BACH2: variants seen among roughly 807,000 people sequenced by gnomAD.
The protein encoded by BACH2 is transcription regulator protein BACH2.
A neutral mutation model predicts 61.8 loss-of-function variants in BACH2; 5 were observed. That is an observed-to-expected ratio of 0.08 (90% CI 0.04 to 0.17). The LOEUF is 0.17. Among genes scored for constraint, BACH2 ranks in the 10% least tolerant of loss-of-function variants. The pLI is 1.00. For missense variants in BACH2, 824 were observed against 1,091.1 expected (o/e 0.76, Z 3.45); for synonymous variants, 446 against 440.1 (o/e 1.01, Z -0.17).
intron 6 of BACH2, among the ~76,000 whole-genome samples, chr6:90,002,179 T>C (rs991239042): frequency 4.6e-5 from 7 of 152,154 alleles, no homozygotes; most frequent in African/African-American, 1.7e-4. Flanking sequence ...GCTTTGTTGC[T>C]TTTCCTCCCA....
intron 5 of BACH2, among the ~76,000 whole-genome samples, chr6:90,066,531 G>A (rs1047961556): frequency 6.6e-6 from 1 of 152,182 alleles, no homozygotes; most frequent in Non-Finnish European, 1.5e-5. Context: ...ATCCAGGAAC[G>A]AGGGAGCAAC....
At chr6:90,206,361 G>A (rs1769144898) in intron 4 of BACH2, among the ~76,000 whole-genome samples, 1 of 152,130 alleles carries the variant, frequency 6.6e-6, no homozygotes, top group Non-Finnish European at 1.5e-5. Context: ...CCCCTGGCAA[G>A]TATAAATGAC....
chr6:90,060,366 G>C (rs146803858), intron 5 of BACH2, among the ~76,000 whole-genome samples: 1 of 151,878 alleles, frequency 6.6e-6, no homozygotes, highest in African/African-American at 2.4e-5. Context: ...GTGCTCCATT[G>C]CATGAAACTA....
intron 7 of BACH2, among the ~76,000 whole-genome samples, chr6:89,939,005 C>A (rs921165687): frequency 1.3e-5 from 2 of 152,216 alleles, no homozygotes; most frequent in Admixed American, 6.5e-5. Flanking sequence ...CCGTACAGTG[C>A]TATACAAGTG....
At chr6:90,213,340 C>T (rs1009338910) in intron 3 of BACH2, among the ~76,000 whole-genome samples, 1 of 152,184 alleles carries the variant, frequency 6.6e-6, no homozygotes, top group Non-Finnish European at 1.5e-5. Context: ...CATGCTAATA[C>T]TTTGGAAATT....
chr6:90,092,291 A>AAAAAAAAAAAAAAAATATATATATAT, intron 4 of BACH2, among the ~76,000 whole-genome samples: 25 of 113,780 alleles, frequency 2.2e-4, no homozygotes, highest in African/African-American at 7.9e-4. Flanking sequence ...AAAAAAAAAA[A>AAAAAAAAAAAAAAAATATATATATAT]ATATATATAT....
intron 4 of BACH2, among the ~76,000 whole-genome samples, chr6:90,172,622 C>G (rs1003408772): frequency 6.6e-6 from 1 of 151,818 alleles, no homozygotes; most frequent in African/African-American, 2.4e-5. Context: ...GAAAATAATA[C>G]TGAATATGTA....
chr6:90,177,288 TG>T (rs1023150729), intron 4 of BACH2, among the ~76,000 whole-genome samples: 5 of 152,168 alleles, frequency 3.3e-5, no homozygotes, highest in African/African-American at 9.7e-5. Context: ...AGGGCAGGGA[TG>T]GTATCTTATT....
At chr6:90,186,619 A>C (rs1451466817) in intron 4 of BACH2, among the ~76,000 whole-genome samples, 2 of 152,270 alleles carry the variant, frequency 1.3e-5, no homozygotes, top group African/African-American at 4.8e-5. Context: ...TGAAATCCCA[A>C]GTGCTTATTA....
intron 4 of BACH2, among the ~76,000 whole-genome samples, chr6:90,158,914 A>T (rs1785091092): frequency 6.6e-6 from 1 of 152,142 alleles, no homozygotes; most frequent in Non-Finnish European, 1.5e-5. Flanking sequence ...ATCATCTCTT[A>T]ATTTGATTTC....
At chr6:90,193,146 T>C (rs1768633084) in intron 4 of BACH2, among the ~76,000 whole-genome samples, 1 of 152,234 alleles carries the variant, frequency 6.6e-6, no homozygotes, top group South Asian at 2.1e-4. Context: ...GATTAAGAAG[T>C]GAGGTGCAGA....
chr6:89,972,824 C>T (rs1206136819), intron 6 of BACH2, among the ~76,000 whole-genome samples: 1 of 152,186 alleles, frequency 6.6e-6, no homozygotes, highest in Non-Finnish European at 1.5e-5. Flanking sequence ...GGTGCAGTGG[C>T]TCAAGCCTGT....
intron 5 of BACH2, among the ~76,000 whole-genome samples, chr6:90,046,882 T>A (rs1309794908): frequency 6.6e-6 from 1 of 152,028 alleles, no homozygotes; most frequent in Non-Finnish European, 1.5e-5. Flanking sequence ...CCCAAGCAAC[T>A]CATTAACAGA....
At chr6:90,015,417 T>C (rs1237867718) in intron 5 of BACH2, among the ~76,000 whole-genome samples, 1 of 152,222 alleles carries the variant, frequency 6.6e-6, no homozygotes, top group Non-Finnish European at 1.5e-5. Flanking sequence ...CAGGCTTTAA[T>C]GCTATAAATT....
intron 5 of BACH2, among the ~76,000 whole-genome samples, chr6:90,013,546 G>C (rs1224761615): frequency 2.3e-5 from 3 of 129,508 alleles, no homozygotes; most frequent in South Asian, 2.4e-4. Context: ...TCGCTCTGTC[G>C]CCCAGGCTGG....
intron 4 of BACH2, among the ~76,000 whole-genome samples, chr6:90,194,427 C>T (rs893108659): frequency 6.6e-6 from 1 of 152,104 alleles, no homozygotes; most frequent in South Asian, 2.1e-4. Flanking sequence ...TGGCAGCTGG[C>T]TTCTCATGTT....
At chr6:90,296,127 C>T (rs1238793436) in intron 1 of BACH2, among the ~76,000 whole-genome samples, 2 of 152,022 alleles carry the variant, frequency 1.3e-5, no homozygotes, top group Non-Finnish European at 2.9e-5. Context: ...TGCAGCCCGC[C>T]CTCCCCATGC....
intron 4 of BACH2, among the ~76,000 whole-genome samples, chr6:90,092,291 A>AAAAAAAAAATATATATAT: frequency 8.8e-6 from 1 of 113,842 alleles, no homozygotes. Context: ...AAAAAAAAAA[A>AAAAAAAAAATATATATAT]ATATATATAT....
intron 4 of BACH2, among the ~76,000 whole-genome samples, chr6:90,123,567 G>A (rs992710554): frequency 6.6e-6 from 1 of 151,510 alleles, no homozygotes; most frequent in Admixed American, 6.6e-5. Flanking sequence ...TCAGGAGATC[G>A]AGACCATCCC....
Sources: allele counts gnomAD v4.1 joint callset (sites outside exome capture counted in the v4.1 genomes callset), GRCh38; gene constraint gnomAD v4.1.1; transcripts MANE v1.5; gene names NCBI Gene and HGNC (gene_info 2026-07-23, HGNC 2026-07-21).